ADAMTSL1: variants seen among roughly 807,000 people sequenced by gnomAD.
The protein encoded by ADAMTSL1 is ADAMTS-like protein 1.
In ADAMTSL1, 126 loss-of-function variants were observed where a neutral mutation model predicts 201.8. That is an observed-to-expected ratio of 0.62 (90% CI 0.54 to 0.72). The LOEUF (loss-of-function observed/expected upper bound fraction) is 0.72, where lower values mean the gene tolerates loss of function less well. Among genes scored for constraint, ADAMTSL1 ranks in the 30% least tolerant of loss-of-function variants. The pLI, the probability that ADAMTSL1 is intolerant of heterozygous loss-of-function variation, is 0.00. For synonymous variants in ADAMTSL1, 1,121 were observed against 903.4 expected (o/e 1.24, Z -4.32); for missense variants, 2,679 against 2,277.8 (o/e 1.18, Z -3.59).
At chr9:17,999,014 C>T (rs1819500337) in intron 1 of ADAMTSL1, among the ~76,000 whole-genome samples, 1 of 151,988 alleles carries the variant, frequency 6.6e-6, no homozygotes, top group Admixed American at 6.6e-5. Context: ...CTGAAAAGCC[C>T]TCTCTTTGGG....
chr9:17,925,707 G>T (rs1826495157), intron 1 of ADAMTSL1, among the ~76,000 whole-genome samples: 1 of 128,838 alleles, frequency 7.8e-6, no homozygotes, highest in South Asian at 3.1e-4. Flanking sequence ...GACTGTGGTG[G>T]GGTGGGGGGA....
At chr9:18,272,893 C>A (rs1832436866) in intron 2 of ADAMTSL1, among the ~76,000 whole-genome samples, 1 of 152,064 alleles carries the variant, frequency 6.6e-6, no homozygotes, top group South Asian at 2.1e-4. Context: ...TTTGTTTTGC[C>A]TTATGTACTG....
At chr9:18,544,857 G>T (rs1691325745) in intron 3 of ADAMTSL1, among the ~76,000 whole-genome samples, 1 of 152,162 alleles carries the variant, frequency 6.6e-6, no homozygotes, top group Non-Finnish European at 1.5e-5. Context: ...CTAAATGCAT[G>T]TATGAAGAAA....
At chr9:18,313,172 A>G (rs543788288) in intron 2 of ADAMTSL1, among the ~76,000 whole-genome samples, 1 of 152,348 alleles carries the variant, frequency 6.6e-6, no homozygotes, top group Admixed American at 6.5e-5. Flanking sequence ...AGGCCCAATA[A>G]CTTGCATTTC....
intron 3 of ADAMTSL1, among the ~76,000 whole-genome samples, chr9:18,560,555 C>G (rs891100607): frequency 1.3e-5 from 2 of 151,924 alleles, no homozygotes; most frequent in Admixed American, 1.3e-4. Flanking sequence ...CCTTCATTTT[C>G]TGTTGTTTGG....
At chr9:18,514,801 G>T (rs1818267869) in intron 2 of ADAMTSL1, among the ~76,000 whole-genome samples, 1 of 151,888 alleles carries the variant, frequency 6.6e-6, no homozygotes, top group Admixed American at 6.6e-5. Context: ...TTGTCTTACT[G>T]ACCTAAGACT....
intron 2 of ADAMTSL1, among the ~76,000 whole-genome samples, chr9:18,173,629 T>G (rs756779510): frequency 1.8e-4 from 27 of 152,128 alleles, no homozygotes; most frequent in Non-Finnish European, 3.1e-4. Context: ...GATACCAAGA[T>G]TAATTATCTA....
At chr9:18,080,573 T>G (rs1473744457) in intron 1 of ADAMTSL1, among the ~76,000 whole-genome samples, 1 of 152,208 alleles carries the variant, frequency 6.6e-6, no homozygotes, top group East Asian at 1.9e-4. Context: ...CGATCTGGGA[T>G]AAGTCACTTA....
At chr9:17,933,351 G>A (rs1022322187) in intron 1 of ADAMTSL1, among the ~76,000 whole-genome samples, 4 of 152,040 alleles carry the variant, frequency 2.6e-5, no homozygotes, top group South Asian at 2.1e-4. Context: ...GGAACTCACC[G>A]GGATAATCCA....
chr9:17,920,010 C>G (rs1367065218), intron 1 of ADAMTSL1, among the ~76,000 whole-genome samples: 1 of 152,070 alleles, frequency 6.6e-6, no homozygotes, highest in East Asian at 1.9e-4. Context: ...TGATTATAGC[C>G]ATCCTGGTGA....
intron 1 of ADAMTSL1, among the ~76,000 whole-genome samples, chr9:18,078,015 T>C (rs957355795): frequency 2.0e-5 from 3 of 151,934 alleles, no homozygotes; most frequent in African/African-American, 7.3e-5. Context: ...TGGGAAGGGA[T>C]GGAGGAAGGA....
chr9:18,507,762 T>C (rs748139151), intron 2 of ADAMTSL1, among the ~76,000 whole-genome samples: 1 of 152,132 alleles, frequency 6.6e-6, no homozygotes. Context: ...ACAGAAAATA[T>C]ATATCATTTC....
At chr9:18,251,320 G>A (rs556251947) in intron 2 of ADAMTSL1, among the ~76,000 whole-genome samples, 3 of 152,160 alleles carry the variant, frequency 2.0e-5, no homozygotes, top group African/African-American at 7.2e-5. Flanking sequence ...ATATAAAATA[G>A]TTTTCTGAAG....
chr9:18,299,342 A>G (rs1833606845), intron 2 of ADAMTSL1, among the ~76,000 whole-genome samples: 1 of 152,196 alleles, frequency 6.6e-6, no homozygotes, highest in Admixed American at 6.5e-5. Flanking sequence ...GGCAGAGAAA[A>G]TACTTTATCA....
chr9:18,037,916 A>G (rs1356158234), intron 1 of ADAMTSL1, among the ~76,000 whole-genome samples: 3 of 149,158 alleles, frequency 2.0e-5, no homozygotes, highest in African/African-American at 7.4e-5. Flanking sequence ...GCAGGCTTCA[A>G]AATCCTGACT....
At chr9:18,742,725 A>T (rs1319335359) in intron 15 of ADAMTSL1, among the ~76,000 whole-genome samples, 2 of 151,644 alleles carry the variant, frequency 1.3e-5, no homozygotes, top group Non-Finnish European at 2.9e-5. Flanking sequence ...GCAGAAACTC[A>T]CTCTGTATAA....
chr9:18,802,727 G>T (rs1822877470), intron 20 of ADAMTSL1, among the ~76,000 whole-genome samples: 1 of 152,128 alleles, frequency 6.6e-6, no homozygotes, highest in Non-Finnish European at 1.5e-5. Flanking sequence ...TACACACCTA[G>T]GAGTGAAATT....
At chr9:18,650,345 G>C (rs1351940283) in intron 7 of ADAMTSL1, among the ~76,000 whole-genome samples, 3 of 152,174 alleles carry the variant, frequency 2.0e-5, no homozygotes, top group Non-Finnish European at 4.4e-5. Context: ...TGCACTTCCT[G>C]AGTGAGGCAA....
At chr9:18,799,923 A>G (rs1437000148) in intron 20 of ADAMTSL1, among the ~76,000 whole-genome samples, 2 of 152,210 alleles carry the variant, frequency 1.3e-5, no homozygotes, top group Non-Finnish European at 2.9e-5. Flanking sequence ...GTGTAAGCTT[A>G]TCATAATGTA....
Sources: gnomAD v4.1 joint callset for allele counts (sites outside exome capture counted in the v4.1 genomes callset) on GRCh38, gnomAD v4.1.1 for gene constraint, MANE v1.5 for transcripts, NCBI Gene and HGNC (gene_info 2026-07-23, HGNC 2026-07-21) for gene names.